Variants in XRN1 observed in about 807,000 individuals in gnomAD.
XRN1 encodes the protein strand-exchange protein 1 homolog.
XRN1 carries 67 observed loss-of-function variants against 222.3 expected under a neutral mutation model. The observed-to-expected ratio is 0.30, with a 90% CI of 0.25 to 0.37. The LOEUF (loss-of-function observed/expected upper bound fraction) is 0.37, where lower values mean the gene tolerates loss of function less well. Ranked by LOEUF, XRN1 falls within the 10% of genes least tolerant of loss-of-function variation. The pLI is 1.00. For missense variants in XRN1, 1,707 were observed against 2,000.2 expected (o/e 0.85, Z 2.80); for synonymous variants, 643 against 652.4 (o/e 0.99, Z 0.22).
chr3:142,319,026 G>A (rs2065280331), intron 37 of XRN1, 123 bp from the exon 38 acceptor site: 2 of 825,980 alleles, frequency 2.4e-6, no homozygotes, highest in Non-Finnish European at 3.6e-6. Context: ...TTCAGTTCAA[G>A]TTTTCAATTG....
intron 27 of XRN1, among the ~76,000 whole-genome samples, chr3:142,368,702 T>C (rs1269091417): frequency 6.6e-6 from 1 of 152,224 alleles, no homozygotes; most frequent in Non-Finnish European, 1.5e-5. Flanking sequence ...CTTTCTATCC[T>C]CAGCTGAAAA....
At chr3:142,417,390 T>C (rs1038410180) in intron 12 of XRN1, among the ~76,000 whole-genome samples, 161 bp from the exon 13 acceptor site, 2 of 152,202 alleles carry the variant, frequency 1.3e-5, no homozygotes, top group Non-Finnish European at 2.9e-5. Flanking sequence ...CTCCAAAATA[T>C]TTTTAAAAAT....
At chr3:142,380,215 T>C (rs1275525902) in intron 22 of XRN1, 35 bp from the exon 23 acceptor site, 1 of 1,524,354 alleles carries the variant, frequency 6.6e-7, no homozygotes, top group Non-Finnish European at 9.0e-7. Context: ...ATAGTCTCTT[T>C]CAGTACATTT....
At chr3:142,323,087 T>C (rs534262488) in intron 37 of XRN1, among the ~76,000 whole-genome samples, 95 of 152,258 alleles carry the variant, frequency 6.2e-4, no homozygotes, top group African/African-American at 2.1e-3. Flanking sequence ...CCTGAGTTGT[T>C]GGGCTTACAG....
intron 10 of XRN1, 119 bp from the exon 11 acceptor site, chr3:142,419,000 T>C (rs2068899986): frequency 2.3e-6 from 2 of 881,452 alleles, no homozygotes; most frequent in Admixed American, 2.0e-5. Context: ...ACATCCTTCA[T>C]ATCCTGCCCA....
intron 33 of XRN1, among the ~76,000 whole-genome samples, chr3:142,341,514 A>C (rs1358944396): frequency 6.6e-6 from 1 of 152,122 alleles, no homozygotes; most frequent in African/African-American, 2.4e-5. Flanking sequence ...GAAAGGAGGA[A>C]GGGAAGACCA....
chr3:142,377,326 T>C (rs925259563), intron 23 of XRN1, among the ~76,000 whole-genome samples: 2 of 151,994 alleles, frequency 1.3e-5, no homozygotes, highest in Non-Finnish European at 2.9e-5. Flanking sequence ...CTTAACATCA[T>C]GTACATAACA....
intron 25 of XRN1, among the ~76,000 whole-genome samples, chr3:142,374,094 C>T (rs2067068012): frequency 6.6e-6 from 1 of 152,182 alleles, no homozygotes; most frequent in Admixed American, 6.5e-5. Context: ...AAGACATCTC[C>T]AGACATGCAA....
At chr3:142,440,999 T>C (rs529128084) in intron 1 of XRN1, among the ~76,000 whole-genome samples, 9 of 152,174 alleles carry the variant, frequency 5.9e-5, no homozygotes, top group African/African-American at 1.9e-4. Flanking sequence ...TGATTTACTT[T>C]TGGCCGCCCA....
Position 142,448,019 on chromosome 3 carries a change from C to CGAG in XRN1, c.-76_-75insCTC. On this transcript the variant is annotated 5_prime_UTR_variant, in exon 1 of 41. Transcript: ENST00000392981. Reference sequence around the variant, plus strand: ...CCCGCCGGGGCTCCGCCGCAGCCTCCGGTCGTCGCTCCGCGGATGACAACA... The same window carrying CGAG: ...CCCGCCGGGGCTCCGCCGCAGCCTCCGAGGGTCGTCGCTCCGCGGATGACAACA... The CGAG allele has an allele frequency of 6.7e-7, 1 of 1,501,838 alleles. No individual in the cohort carries two copies. Among genetic ancestry groups the CGAG allele is most frequent in the East Asian group, 2.3e-5 (1 of 43,906 alleles). 93.0% of individuals were successfully genotyped at this position (1,501,838 alleles called of 1,614,324 possible).
intron 34 of XRN1, among the ~76,000 whole-genome samples, chr3:142,334,950 C>G (rs1479162678): frequency 7.1e-6 from 1 of 140,578 alleles, no homozygotes; most frequent in Non-Finnish European, 1.5e-5. Context: ...ATTCTCCTGC[C>G]TCAGCCTCCC....
rs11923933 is a variant in XRN1 at position 142,316,226 on chromosome 3, T to C, written c.4621+2366A>G. On this transcript the variant is annotated intron_variant, in intron 39 of 40. Transcript: ENST00000392981. The stretch of plus-strand genomic sequence containing the variant: ...TAGTCATTATCTTCTTTTTTTTTTT[T>C]TTTTTTTTTGAGACAGGTCTCATTC... 2.6e-3 allele frequency among the ~76,000 whole-genome samples: 393 copies of C among 148,804 alleles called. 2 individuals are homozygous for C. The highest frequency in any genetic ancestry group is 0.01 in the Middle Eastern group (3 of 292).
chr3:142,403,995 A>G lies in XRN1; in HGVS notation c.1884-6T>C. On this transcript the variant is annotated splice_region_variant and splice_polypyrimidine_tract_variant and intron_variant, in intron 16 of 40. Coordinates refer to ENST00000392981, the MANE Select transcript of XRN1 (RefSeq NM_001282857.2). ...CTAAGGATATTATTTTATACCTAGA[A>G]AATAAATCAAGGCATTTAATTTAAA... The G allele has an allele frequency of 6.4e-7, 1 of 1,555,210 alleles. No individual in the cohort carries two copies. The highest frequency in any genetic ancestry group is 8.8e-7 in the Non-Finnish European group (1 of 1,134,090).
intron 20 of XRN1, among the ~76,000 whole-genome samples, chr3:142,392,367 G>A: frequency 6.8e-6 from 1 of 148,110 alleles, no homozygotes; most frequent in East Asian, 2.0e-4. Context: ...TAGGATACAT[G>A]TGCACATTGT....
intron 20 of XRN1, among the ~76,000 whole-genome samples, chr3:142,390,433 A>G (rs986328792): frequency 6.6e-6 from 1 of 152,210 alleles, no homozygotes; most frequent in Non-Finnish European, 1.5e-5. Flanking sequence ...TTCAGCTCAC[A>G]CTTTATATTA....
At position 142,426,856 on chromosome 3, in the gene XRN1, G is replaced by C; in HGVS notation, c.309-15C>G. 1.9e-6 allele frequency: 3 copies of C among 1,602,904 alleles called. 1 individual carries two copies. In the South Asian group the frequency reaches 3.3e-5, roughly 18 times the overall value. On this transcript the variant is annotated splice_polypyrimidine_tract_variant and intron_variant, in intron 2 of 40. Coordinates refer to ENST00000392981, the MANE Select transcript of XRN1 (RefSeq NM_001282857.2). ...CCTTTGCTGACCTTAAAGGTTAAGGGAAAAAAGTACCTTAAGTTTTCTGAA... is the reference window on the plus strand; with the variant it reads ...CCTTTGCTGACCTTAAAGGTTAAGGCAAAAAAGTACCTTAAGTTTTCTGAA...
At chr3:142,408,353 G>C (rs909415456) in intron 15 of XRN1, among the ~76,000 whole-genome samples, 8 of 152,186 alleles carry the variant, frequency 5.3e-5, no homozygotes, top group African/African-American at 1.9e-4. Flanking sequence ...GGGGGTGCTT[G>C]GGTGGGGGAA....
intron 20 of XRN1, among the ~76,000 whole-genome samples, chr3:142,387,591 C>G (rs2067554614): frequency 6.6e-6 from 1 of 152,060 alleles, no homozygotes; most frequent in South Asian, 2.1e-4. Context: ...CAGTACATAC[C>G]AAAGTTATGT....
chr3:142,311,705 T>C lies in XRN1; in HGVS notation c.4891A>G (p.Lys1631Glu), dbSNP rs2065081065. The C allele has an allele frequency of 6.2e-7, 1 of 1,614,168 alleles. No individual in the cohort carries two copies. Among genetic ancestry groups the C allele is most frequent in the Non-Finnish European group, 8.5e-7 (1 of 1,180,000 alleles). ...GATGAGCTCTCCCGTGGACTTACTT[T>C]GACAATGTTGGAAGAATCTGGCTGG... The part of the protein sequence containing the change: ...TSQPDSSNIV[K>E]VSPRESSSAS... Residue 1631 changes from lysine (K) to glutamate (E), a missense_variant, in exon 41 of 41, where the codon AAA becomes GAA. Physicochemically the swap from Lys to Glu is moderately conservative, Grantham distance 56 (BLOSUM62 1). Coordinates refer to ENST00000392981, the MANE Select transcript of XRN1 (RefSeq NM_001282857.2).
Sources: gnomAD v4.1 joint callset for allele counts (sites outside exome capture counted in the v4.1 genomes callset) on GRCh38, gnomAD v4.1.1 for gene constraint, MANE v1.5 for transcripts, NCBI Gene and HGNC (gene_info 2026-07-23, HGNC 2026-07-21) for gene names.